B4GALT4: variants seen among roughly 807,000 people sequenced by gnomAD.
The protein encoded by B4GALT4 is beta-1,4-galactosyltransferase 4.
Under a neutral mutation model 37.3 loss-of-function variants are expected in B4GALT4, and 27 were observed. The observed-to-expected ratio is 0.72, with a 90% confidence interval of 0.53 to 1.00. The LOEUF (loss-of-function observed/expected upper bound fraction) is 1.00. B4GALT4 is among the 50% of genes least tolerant of loss of function. The pLI, the probability that B4GALT4 is intolerant of heterozygous loss-of-function variation, is 0.00. For synonymous variants in B4GALT4, 148 were observed against 154.1 expected, an observed-to-expected ratio of 0.96 and a Z score of 0.29; for missense variants, 372 against 413.1, an observed-to-expected ratio of 0.90 and a Z score of 0.86.
intron 3 of B4GALT4, among the ~76,000 whole-genome samples, chr3:119,228,135 C>T (rs2107513700): frequency 6.6e-6 from 1 of 152,348 alleles, no homozygotes; most frequent in East Asian, 1.9e-4. Flanking sequence ...AATGGGGTAG[C>T]TGTTGAGATG....
At chr3:119,229,795 T>C in intron 3 of B4GALT4, 52 bp downstream of exon 3, 2 of 1,580,848 alleles carry the variant, frequency 1.3e-6, no homozygotes, top group Non-Finnish European at 1.7e-6. Flanking sequence ...CATATTATAC[T>C]TAAATAAAAA....
intron 2 of B4GALT4, among the ~76,000 whole-genome samples, chr3:119,234,613 A>T (rs139134733): frequency 6.6e-6 from 1 of 152,194 alleles, no homozygotes; most frequent in African/African-American, 2.4e-5. Context: ...CTTTTTAAAG[A>T]AAGTTATTTT....
intron 6 of B4GALT4, among the ~76,000 whole-genome samples, chr3:119,217,767 C>T (rs1010610787): frequency 6.6e-6 from 1 of 150,744 alleles, no homozygotes; most frequent in African/African-American, 2.4e-5. Context: ...CACTCAAACC[C>T]GGGAGGCAGA....
chr3:119,236,369 TAGTTA>T (rs1406673014), intron 2 of B4GALT4: 1 of 152,206 alleles, frequency 6.6e-6, no homozygotes, highest in African/African-American at 2.4e-5. Flanking sequence ...GTTTGTAGTT[TAGTTA>T]ATAGTATTGA....
In B4GALT4 at chr3:119,218,656, CTG is replaced by C. The variant is rs745846990; in HGVS notation, c.789_790del (p.Arg264ThrfsTer4). On this transcript the variant is annotated frameshift_variant, in exon 6 of 8. Coordinates refer to ENST00000393765, the MANE Select transcript of B4GALT4 (RefSeq NM_003778.4). LOFTEE classifies it high-confidence loss of function. Reference sequence around the variant, plus strand: ...ACCTTTCTCTGTTGTTCACCTGAGTCTGAGGTCATCGTCTTCGCCTCCCCATC... The same window carrying C: ...ACCTTTCTCTGTTGTTCACCTGAGTCAGGTCATCGTCTTCGCCTCCCCATC... 4 of 1,614,086 alleles carry C rather than the reference CTG, an allele frequency of 2.5e-6. No homozygotes were observed. The highest frequency in any genetic ancestry group is 3.4e-6 in the Non-Finnish European group (4 of 1,180,050).
intron 4 of B4GALT4, among the ~76,000 whole-genome samples, chr3:119,225,648 C>A (rs9829841): frequency 0.1 from 15,409 of 151,900 alleles, 986 homozygotes; most frequent in East Asian, 0.24. Context: ...AGGCTAGTCT[C>A]AAACTCCTAT....
intron 3 of B4GALT4, among the ~76,000 whole-genome samples, chr3:119,228,663 G>A (rs1298061541): frequency 2.0e-5 from 3 of 152,102 alleles, no homozygotes; most frequent in East Asian, 1.9e-4. Flanking sequence ...ATACAATACA[G>A]GACTGTGACT....
chr3:119,234,631 A>G (rs1170515964), intron 2 of B4GALT4, among the ~76,000 whole-genome samples: 1 of 152,208 alleles, frequency 6.6e-6, no homozygotes, highest in Non-Finnish European at 1.5e-5. Context: ...TTTTAGGGCA[A>G]GTGACTCCTG....
chr3:119,237,064 G>A lies in B4GALT4; in HGVS notation c.-357C>T, dbSNP rs1237388596. The A allele has an allele frequency of 3.9e-5, 6 of 152,260 alleles. No individual in the cohort carries two copies. The highest frequency in any genetic ancestry group is 1.3e-4 in the Admixed American group (2 of 15,286). 9.4% of individuals were successfully genotyped at this position (152,260 alleles called of 1,614,324 possible). ...CCGTGGAAATCCACACATGAAGCCA[G>A]GTGGTCCTGCAACACCCAAACAACC... On this transcript the variant is annotated 5_prime_UTR_variant, in exon 2 of 8. Transcript: ENST00000393765.
chr3:119,218,409 G>C (rs1419033964), intron 6 of B4GALT4, among the ~76,000 whole-genome samples: 1 of 152,162 alleles, frequency 6.6e-6, no homozygotes, highest in East Asian at 1.9e-4. Flanking sequence ...TTCCCGACAA[G>C]TACATGAGGC....
chr3:119,224,460 A>C (rs2078540822), intron 4 of B4GALT4, among the ~76,000 whole-genome samples: 1 of 152,252 alleles, frequency 6.6e-6, no homozygotes, highest in African/African-American at 2.4e-5. Context: ...TCCAGAACTT[A>C]GAAACAGTCC....
rs189771908 is a variant in B4GALT4 at position 119,234,220 on chromosome 3, C to T, written c.-146+2633G>A. 3.4e-3 allele frequency among the ~76,000 whole-genome samples: 518 copies of T among 152,148 alleles called. 3 individuals carry two copies. The highest frequency in any genetic ancestry group is 0.031 in the Middle Eastern group (9 of 292). Reference sequence around the variant, plus strand: ...GCAACCTCCGCCTCCCAGGTTCAAGCGATTCTCCTGCCTCAGCCTCCCAAG... The same window carrying T: ...GCAACCTCCGCCTCCCAGGTTCAAGTGATTCTCCTGCCTCAGCCTCCCAAG... On this transcript the variant is annotated intron_variant, in intron 2 of 7. Transcript: ENST00000393765.
intron 5 of B4GALT4, among the ~76,000 whole-genome samples, chr3:119,219,698 G>A (rs2078394578): frequency 6.6e-6 from 1 of 152,164 alleles, no homozygotes; most frequent in Non-Finnish European, 1.5e-5. Context: ...GAGGCAAGAG[G>A]AGAAAGATCA....
intron 5 of B4GALT4, among the ~76,000 whole-genome samples, chr3:119,219,276 C>T (rs2078378873): frequency 6.6e-6 from 1 of 152,188 alleles, no homozygotes; most frequent in African/African-American, 2.4e-5. Context: ...TGCAAATCTC[C>T]ACTTCTCAAC....
intron 6 of B4GALT4, 125 bp from the exon 7 acceptor site, chr3:119,216,469 CACAG>C (rs2078297386): frequency 2.1e-6 from 1 of 472,104 alleles, no homozygotes; most frequent in Admixed American, 4.1e-5. Context: ...CACACACACA[CACAG>C]TGTCACAAAC....
At chr3:119,231,537 T>C (rs1307969770) in intron 2 of B4GALT4, among the ~76,000 whole-genome samples, 1 of 152,028 alleles carries the variant, frequency 6.6e-6, no homozygotes, top group Non-Finnish European at 1.5e-5. Context: ...GATTAAATCT[T>C]AAATGACAAA....
chr3:119,226,854 G>T lies in B4GALT4; in HGVS notation c.441C>A (p.Phe147Leu), dbSNP rs774735072. Residue 147 changes from phenylalanine (F) to leucine (L), a missense_variant, in exon 4 of 8, where the codon TTC (phenylalanine) becomes TTA (leucine). Physicochemically the swap from Phe to Leu is conservative, Grantham distance 22 (BLOSUM62 0). Coordinates refer to ENST00000393765, the MANE Select transcript of B4GALT4 (RefSeq NM_003778.4). Reference protein sequence around the residue: ...LMYLLEHLHPFLQRQQLDYGI... With the variant: ...LMYLLEHLHPLLQRQQLDYGI... Reference sequence around the variant, plus strand: ...CATAATCCAGCTGCTGCCTCTGCAGGAAGGGATGCAGATGTTCCAGCAGGT... The same window carrying T: ...CATAATCCAGCTGCTGCCTCTGCAGTAAGGGATGCAGATGTTCCAGCAGGT... 1 of 1,614,168 alleles carries T rather than the reference G, an allele frequency of 6.2e-7. No homozygotes were observed. The highest frequency in any genetic ancestry group is 1.7e-5 in the Admixed American group (1 of 60,026).
chr3:119,217,044 AT>A (rs2107466130), intron 6 of B4GALT4, among the ~76,000 whole-genome samples: 1 of 152,376 alleles, frequency 6.6e-6, no homozygotes, highest in South Asian at 2.1e-4. Flanking sequence ...TCATATTCAA[AT>A]CATCTTAGTT....
chr3:119,231,658 C>A (rs10934487), intron 2 of B4GALT4, among the ~76,000 whole-genome samples: 77,008 of 149,464 alleles, frequency 0.52, 21,566 homozygotes, highest in African/African-American at 0.74. Flanking sequence ...GAATGGGATT[C>A]GCTGGGGTGG....
Sources: allele counts gnomAD v4.1 joint callset (sites outside exome capture counted in the v4.1 genomes callset), GRCh38; gene constraint gnomAD v4.1.1; transcripts MANE v1.5; gene names NCBI Gene and HGNC (gene_info 2026-07-23, HGNC 2026-07-21).